The following SNTG1 variants were observed in gnomAD, a reference collection of about 807,000 sequenced individuals.
SNTG1 encodes gamma-1-syntrophin.
In SNTG1, 39 loss-of-function variants were observed where a neutral mutation model predicts 74.7. That is an observed-to-expected ratio of 0.52 (90% confidence interval 0.40 to 0.68). SNTG1 has a LOEUF of 0.68. Ranked by LOEUF, SNTG1 falls within the 30% of genes least tolerant of loss-of-function variation. The pLI, the probability that SNTG1 is intolerant of heterozygous loss-of-function variation, is 0.00. For missense variants in SNTG1, 685 were observed against 609.5 expected, an observed-to-expected ratio of 1.12 and a Z score of -1.30; for synonymous variants, 254 against 217.1, an observed-to-expected ratio of 1.17 and a Z score of -1.49.
intron 2 of SNTG1, among the ~76,000 whole-genome samples, chr8:50,280,404 T>C (rs961671506): frequency 4.6e-5 from 7 of 152,232 alleles, no homozygotes; most frequent in African/African-American, 1.7e-4. Context: ...GTGAACTTTC[T>C]GAATGACCTA....
intron 1 of SNTG1, among the ~76,000 whole-genome samples, chr8:50,130,964 T>C (rs977991907): frequency 2.6e-5 from 4 of 152,110 alleles, no homozygotes; most frequent in African/African-American, 9.7e-5. Flanking sequence ...CTTGAAATTT[T>C]AGAATGTCTT....
chr8:50,495,885 A>G (rs1332955038), intron 8 of SNTG1, among the ~76,000 whole-genome samples: 1 of 152,142 alleles, frequency 6.6e-6, no homozygotes, highest in African/African-American at 2.4e-5. Flanking sequence ...ACTCCCTAAC[A>G]CTGGCATGAA....
At chr8:50,696,615 TG>T (rs2095406216) in intron 15 of SNTG1, among the ~76,000 whole-genome samples, 1 of 152,020 alleles carries the variant, frequency 6.6e-6, no homozygotes, top group South Asian at 2.1e-4. Flanking sequence ...ATTTTTTATA[TG>T]GTGATTGATA....
chr8:50,382,466 C>A (rs927263041), intron 2 of SNTG1, among the ~76,000 whole-genome samples: 1 of 151,942 alleles, frequency 6.6e-6, no homozygotes, highest in Non-Finnish European at 1.5e-5. Context: ...CTAGCTCAAA[C>A]TATAAAATAA....
At chr8:50,378,331 A>G (rs1171477043) in intron 2 of SNTG1, among the ~76,000 whole-genome samples, 2 of 152,194 alleles carry the variant, frequency 1.3e-5, no homozygotes, top group Non-Finnish European at 1.5e-5. Context: ...GGCCCCAAAG[A>G]TGGTGTCACA....
intron 1 of SNTG1, among the ~76,000 whole-genome samples, chr8:50,028,063 C>T (rs978731501): frequency 2.0e-5 from 3 of 152,042 alleles, no homozygotes; most frequent in Admixed American, 2.0e-4. Context: ...TTGAAACCAC[C>T]ACTGGCATCA....
intron 12 of SNTG1, among the ~76,000 whole-genome samples, chr8:50,589,286 AT>A (rs779525865): frequency 6.6e-5 from 10 of 152,212 alleles, no homozygotes; most frequent in Non-Finnish European, 1.2e-4. Flanking sequence ...AAATTATAAT[AT>A]AACAATTCCT....
rs140539238 is a variant in SNTG1 at position 50,351,456 on chromosome 8, G to T, written c.-27-42756G>T. On this transcript the variant is annotated intron_variant, in intron 2 of 18. Transcript: ENST00000642720. ...GATAATTTGCCTTTAGAAACATTGTGTTTATCTCATTTGATTAATGTACTT... is the reference window on the plus strand; with the variant it reads ...GATAATTTGCCTTTAGAAACATTGTTTTTATCTCATTTGATTAATGTACTT... Among the ~76,000 whole-genome samples the T allele has an allele frequency of 7.6e-3, 1,150 of 152,212 alleles. 10 individuals are homozygous for T. The highest frequency in any genetic ancestry group is 0.011 in the Non-Finnish European group (767 of 67,994).
intron 8 of SNTG1, among the ~76,000 whole-genome samples, chr8:50,500,224 CTTTTTCT>C (rs1042566160): frequency 6.8e-6 from 1 of 147,918 alleles, no homozygotes; most frequent in African/African-American, 2.5e-5. Flanking sequence ...CTTCAGGTTA[CTTTTTCT>C]TTTTTTTTTT....
intron 15 of SNTG1, among the ~76,000 whole-genome samples, chr8:50,661,798 C>T (rs1258307276): frequency 1.3e-5 from 2 of 152,102 alleles, no homozygotes; most frequent in Non-Finnish European, 2.9e-5. Flanking sequence ...TCTCATACAT[C>T]AAATACAATG....
intron 2 of SNTG1, among the ~76,000 whole-genome samples, chr8:50,370,436 G>A (rs1161853999): frequency 2.0e-5 from 3 of 152,102 alleles, no homozygotes; most frequent in African/African-American, 7.2e-5. Flanking sequence ...ATGAGTATGG[G>A]CACAATGAGC....
At chr8:50,205,987 G>A (rs956123508) in intron 2 of SNTG1, among the ~76,000 whole-genome samples, 7 of 152,258 alleles carry the variant, frequency 4.6e-5, no homozygotes, top group Non-Finnish European at 5.9e-5. Context: ...AGTATAGTTT[G>A]AAGTCAGGTA....
intron 13 of SNTG1, among the ~76,000 whole-genome samples, chr8:50,605,984 T>C (rs866823327): frequency 3.3e-4 from 51 of 152,350 alleles, no homozygotes; most frequent in African/African-American, 1.2e-3. Flanking sequence ...CACTTGATCA[T>C]GGTGAGTGAT....
chr8:50,307,303 G>T lies in SNTG1; in HGVS notation c.-27-86909G>T, dbSNP rs2089940381. 2.0e-5 allele frequency among the ~76,000 whole-genome samples: 3 copies of T among 151,986 alleles called. No individual in the cohort carries two copies. The South Asian group carries it at 6.2e-4, about 31-fold the overall frequency. Reference sequence around the variant, plus strand: ...TTAGCTACTGCCATTTTTCCAAAGTGATTGTACCTAGGGTTATATGAGATA... The same window carrying T: ...TTAGCTACTGCCATTTTTCCAAAGTTATTGTACCTAGGGTTATATGAGATA... On this transcript the variant is annotated intron_variant, in intron 2 of 18. Transcript: ENST00000642720.
intron 13 of SNTG1, among the ~76,000 whole-genome samples, chr8:50,626,965 T>C (rs2094960701): frequency 6.6e-6 from 1 of 152,220 alleles, no homozygotes; most frequent in African/African-American, 2.4e-5. Context: ...TCTCATCTTA[T>C]ATGTCATTAC....
chr8:50,556,166 A>G (rs1314142713), intron 12 of SNTG1, among the ~76,000 whole-genome samples: 2 of 152,224 alleles, frequency 1.3e-5, no homozygotes, highest in South Asian at 2.1e-4. Context: ...CAAAATATTT[A>G]CAATAGTTGT....
chr8:50,186,013 C>T (rs924443274), intron 2 of SNTG1, among the ~76,000 whole-genome samples: 7 of 151,956 alleles, frequency 4.6e-5, no homozygotes, highest in South Asian at 2.1e-4. Flanking sequence ...CTCCCACCCC[C>T]GACAGGTCTG....
chr8:50,626,724 A>G (rs1468102333), intron 13 of SNTG1, among the ~76,000 whole-genome samples: 1 of 152,142 alleles, frequency 6.6e-6, no homozygotes, highest in Non-Finnish European at 1.5e-5. Context: ...TGGGTGGGCC[A>G]GGTGTTCCTT....
At chr8:50,593,170 A>G (rs554076175) in intron 13 of SNTG1, among the ~76,000 whole-genome samples, 3 of 152,282 alleles carry the variant, frequency 2.0e-5, no homozygotes, top group South Asian at 4.1e-4. Context: ...TTGATTTTCA[A>G]TTTGTGCTAC....
Sources: gnomAD v4.1 joint callset for allele counts (sites outside exome capture counted in the v4.1 genomes callset) on GRCh38, gnomAD v4.1.1 for gene constraint, MANE v1.5 for transcripts, NCBI Gene and HGNC (gene_info 2026-07-23, HGNC 2026-07-21) for gene names.